EVC2: variants seen among roughly 807,000 people sequenced by gnomAD.
The protein encoded by EVC2 is limbin.
A neutral mutation model predicts 149.3 loss-of-function variants in EVC2; 148 were observed. That is an observed-to-expected ratio of 0.99 (90% confidence interval 0.87 to 1.14). EVC2 has a LOEUF of 1.14. Among genes scored for constraint, EVC2 ranks in the 50% most tolerant of loss-of-function variants. EVC2 has a pLI of 0.00. For missense variants in EVC2, 1,854 were observed against 1,627.3 expected, an observed-to-expected ratio of 1.14 and a Z score of -2.40; for synonymous variants, 776 against 649.9, an observed-to-expected ratio of 1.19 and a Z score of -2.95.
At chr4:5,563,658 G>T (rs1459230641) in intron 21 of EVC2, among the ~76,000 whole-genome samples, 1 of 151,992 alleles carries the variant, frequency 6.6e-6, no homozygotes, top group East Asian at 1.9e-4. Context: ...GGAGTTTTGC[G>T]AGCCCACTGT....
At chr4:5,694,869 A>G (rs1721370388) in intron 2 of EVC2, among the ~76,000 whole-genome samples, 1 of 152,184 alleles carries the variant, frequency 6.6e-6, no homozygotes, top group Admixed American at 6.5e-5. Flanking sequence ...GTCCTTGGGC[A>G]TAACCTCTAA....
rs760000678 is a variant in EVC2, at chr4:5,625,870, A to G, written c.1925T>C (p.Leu642Ser). The G allele has an allele frequency of 6.2e-7, 1 of 1,614,136 alleles. No homozygotes were observed. Among genetic ancestry groups the G allele is most frequent in the Non-Finnish European group, 8.5e-7 (1 of 1,180,038 alleles). The change falls in exon 13 of 22, where the codon TTG (leucine) becomes TCG (serine). Residue 642 changes from leucine to serine, a missense_variant. Coordinates refer to ENST00000344408, the MANE Select transcript of EVC2 (RefSeq NM_147127.5). This position sits in a 1 kb window ranked among gnomAD's most constrained non-coding sequence, Gnocchi z 4.0. ...AAAGACTTCTGTCTGAGCCCGCTCC[A>G]ATAGCATTTCCATTTGGTCTTCATC... Reference protein sequence around the residue: ...YLDEDQMEMLLERAQTEVFSI... With the variant: ...YLDEDQMEMLSERAQTEVFSI...
rs1325544915 is a variant in EVC2 at position 5,636,403 on chromosome 4, A to C, written c.1470+4111T>G. Among the ~76,000 whole-genome samples, 2 of 152,086 alleles carry C rather than the reference A, an allele frequency of 1.3e-5. No individual in the cohort carries two copies. The highest frequency in any genetic ancestry group is 1.5e-5 in the Non-Finnish European group (1 of 68,024). On this transcript the variant is annotated intron_variant, in intron 10 of 21. Transcript: ENST00000344408. This position sits in a 1 kb window ranked among gnomAD's most constrained non-coding sequence, Gnocchi z 4.6. Reference sequence around the variant, plus strand: ...TAAATATAACCACCTGCAGGTCAAAAATTTCTGTGTGTATTGAACACATAC... The same window carrying C: ...TAAATATAACCACCTGCAGGTCAAACATTTCTGTGTGTATTGAACACATAC...
chr4:5,662,555 T>C (rs1026736759), intron 9 of EVC2, among the ~76,000 whole-genome samples: 2 of 142,866 alleles, frequency 1.4e-5, no homozygotes, highest in Non-Finnish European at 3.0e-5. Flanking sequence ...TAATATTAAA[T>C]ATATTAAATA....
chr4:5,576,449 G>T lies in EVC2; in HGVS notation c.3063C>A (p.Leu1021=). Residue 1021 remains leucine, a synonymous_variant, in exon 18 of 22, where the codon CTC becomes CTA. Coordinates refer to ENST00000344408, the MANE Select transcript of EVC2 (RefSeq NM_147127.5). This position sits in a 1 kb window ranked among gnomAD's most constrained non-coding sequence, Gnocchi z 4.5. The part of the protein sequence containing the change: ...TQILESHSRE[L]QELERKLEDQ... ...CCTCCAGCTTCCTCTCCAACTCCTGGAGCTCCTACACAAGGAAGGGGCAGA... is the reference window on the plus strand; with the variant it reads ...CCTCCAGCTTCCTCTCCAACTCCTGTAGCTCCTACACAAGGAAGGGGCAGA... 1 of 1,594,088 alleles carries T rather than the reference G, an allele frequency of 6.3e-7. No homozygotes were observed.
At chr4:5,644,489 G>C (rs1454464900) in intron 9 of EVC2, among the ~76,000 whole-genome samples, 2 of 152,024 alleles carry the variant, frequency 1.3e-5, no homozygotes, top group African/African-American at 2.4e-5. Context: ...ATTTTTAGTA[G>C]AGACGGGGTT....
chr4:5,588,093 G>A (rs1163632164), intron 16 of EVC2, among the ~76,000 whole-genome samples: 1 of 152,040 alleles, frequency 6.6e-6, no homozygotes, highest in Non-Finnish European at 1.5e-5. Context: ...CTCCTAGTAA[G>A]GAAAACTTTC....
chr4:5,643,928 G>C (rs371514199), intron 9 of EVC2, among the ~76,000 whole-genome samples: 3 of 152,146 alleles, frequency 2.0e-5, no homozygotes, highest in Non-Finnish European at 4.4e-5. Flanking sequence ...CCAATAATTA[G>C]AAATGTCTAG....
At chr4:5,682,001 AG>A (rs941815140) in intron 6 of EVC2, among the ~76,000 whole-genome samples, 3 of 152,210 alleles carry the variant, frequency 2.0e-5, no homozygotes, top group African/African-American at 2.4e-5. Flanking sequence ...ACCTTGGGCA[AG>A]GTATTAGCCT....
Position 5,631,792 on chromosome 4 carries a change from C to T in EVC2, c.1710+1G>A, listed in dbSNP as rs2108851279. On this transcript the variant is annotated splice_donor_variant, in intron 11 of 21. Coordinates refer to ENST00000344408, the MANE Select transcript of EVC2 (RefSeq NM_147127.5). LOFTEE classifies it high-confidence loss of function. Reference sequence around the variant, plus strand: ...CCATCACAGCGAGGCTGATGTATTACCTGTATTTTAGAATAATTTTGCAGC... The same window carrying T: ...CCATCACAGCGAGGCTGATGTATTATCTGTATTTTAGAATAATTTTGCAGC... The T allele has an allele frequency of 1.2e-6, 2 of 1,613,900 alleles. No homozygotes were observed. The highest frequency in any genetic ancestry group is 1.7e-6 in the Non-Finnish European group (2 of 1,179,806).
At chr4:5,655,705 A>G (rs1253179618) in intron 9 of EVC2, among the ~76,000 whole-genome samples, 1 of 144,582 alleles carries the variant, frequency 6.9e-6, no homozygotes, top group Non-Finnish European at 1.5e-5. Context: ...AGCCCCTGGC[A>G]TGGACCAAAT....
chr4:5,656,420 G>A lies in EVC2; in HGVS notation c.1145+6687C>T, dbSNP rs114731472. ...GATCACTTCCACCCAAAGATTTCCA[G>A]CCCTAATTCCTGGAACCTGGAAATG... On this transcript the variant is annotated intron_variant, in intron 9 of 21. Transcript: ENST00000344408. Among the ~76,000 whole-genome samples the A allele has an allele frequency of 2.2e-3, 338 of 152,222 alleles. 1 individual carries two copies. Among genetic ancestry groups the A allele is most frequent in the African/African-American group, 7.4e-3 (306 of 41,506 alleles).
chr4:5,628,586 A>T lies in EVC2; in HGVS notation c.1859T>A (p.Leu620Gln), dbSNP rs1560177469. ...CTCGTGCTTCTGAATGAGGTGAGTC[A>T]GCTGGGCTGCAGCGGTGCTCAGAAG... ...QGLLSTAAAQ[L>Q]THLIQKHERA... The change falls in exon 12 of 22, where the codon CTG (leucine) becomes CAG (glutamine). Residue 620 changes from leucine to glutamine, a missense_variant. By Grantham distance (113) the Leu-to-Gln change is moderately radical. Transcript: ENST00000344408. The T allele has an allele frequency of 1.2e-6, 2 of 1,614,162 alleles. No homozygotes were observed. Among genetic ancestry groups the T allele is most frequent in the Admixed American group, 3.3e-5 (2 of 60,014 alleles).
chr4:5,547,733 G>A (rs1356112548), intron 21 of EVC2, among the ~76,000 whole-genome samples: 5 of 152,176 alleles, frequency 3.3e-5, no homozygotes, highest in East Asian at 1.9e-4. Context: ...CTTCTTGGAC[G>A]CAGGATAAGA....
intron 18 of EVC2, 53 bp from the exon 19 acceptor site, chr4:5,574,825 A>C: frequency 6.6e-7 from 1 of 1,523,938 alleles, no homozygotes. Context: ...AAGTGATACT[A>C]TGAGATCATC....
chr4:5,538,121 G>A (rs1217829469), downstream of EVC2, among the ~76,000 whole-genome samples: 1 of 149,988 alleles, frequency 6.7e-6, no homozygotes, highest in Non-Finnish European at 1.5e-5. Flanking sequence ...GGAGGAGGAC[G>A]CAGATTATCA....
Position 5,677,244 on chromosome 4 carries a change from G to A in EVC2, c.870+4016C>T, listed in dbSNP as rs1328295823. On this transcript the variant is annotated intron_variant, in intron 7 of 21. Transcript: ENST00000344408. The surrounding 1 kb of genome is among the most constrained non-coding windows in gnomAD (Gnocchi z 4.3). ...TCATTTCACAGTTGGGGAAACTGAG[G>A]CCCTCAGAGGTAAGTGACGTGCCCA... 7.9e-5 allele frequency among the ~76,000 whole-genome samples: 12 copies of A among 152,124 alleles called. No homozygotes were observed. In the South Asian group the frequency reaches 2.3e-3, roughly 29 times the overall value.
At chr4:5,593,708 G>A (rs1399333860) in intron 16 of EVC2, among the ~76,000 whole-genome samples, 1 of 152,160 alleles carries the variant, frequency 6.6e-6, no homozygotes, top group Non-Finnish European at 1.5e-5. Context: ...GGGAGTGCCA[G>A]ACACTGGGCG....
chr4:5,701,534 T>C (rs978744885), intron 1 of EVC2, among the ~76,000 whole-genome samples: 1 of 152,164 alleles, frequency 6.6e-6, no homozygotes, highest in Admixed American at 6.5e-5. Context: ...CTCTGTTGGA[T>C]CTTTTCCTCT....
Sources: allele counts gnomAD v4.1 joint callset (sites outside exome capture counted in the v4.1 genomes callset), GRCh38; gene constraint gnomAD v4.1.1; non-coding constraint Gnocchi (gnomAD v3.1); transcripts MANE v1.5; gene names NCBI Gene and HGNC (gene_info 2026-07-23, HGNC 2026-07-21).